MILR1: variants seen among roughly 807,000 people sequenced by gnomAD.
MILR1 encodes allergin-1.
A neutral mutation model predicts 18.5 loss-of-function variants in MILR1; 31 were observed. The observed-to-expected ratio is 1.68, with a 90% CI of 1.26 to 2.26. The LOEUF (loss-of-function observed/expected upper bound fraction) is 2.26, where lower values mean the gene tolerates loss of function less well. Among genes scored for constraint, MILR1 ranks in the 30% most tolerant of loss-of-function variants. MILR1 has a pLI of 0.00. For missense variants in MILR1, 257 were observed against 157.4 expected (o/e 1.63, Z -3.38); for synonymous variants, 85 against 56.2 (o/e 1.51, Z -2.30).
the MILR1 span, chr17:64,491,484 C>T: frequency 4.9e-5 from 64 of 1,309,192 alleles, 1 homozygote; most frequent in Admixed American, 7.0e-5. Context: ...CAGTCCAGCC[C>T]GGGCAAAAGA....
At chr17:64,464,723 GACCAGCCTGGCTA>G (rs1448350397) in intron 5 of MILR1, among the ~76,000 whole-genome samples, 19 of 152,138 alleles carry the variant, frequency 1.2e-4, no homozygotes, top group Admixed American at 8.5e-4. Context: ...TGGAGTTTGA[GACCAGCCTGGCTA>G]ACATGGTGAA....
rs1307776335 is a variant in MILR1 at position 64,449,939 on chromosome 17, TTTCTTTC to T, written c.97+587_97+593del. On this transcript the variant is annotated intron_variant, in intron 2 of 9. Coordinates refer to ENST00000619286, the MANE Select transcript of MILR1 (RefSeq NM_001085423.2). ...TGACCTTAATTTCTTTCTTTCTTTC[TTTCTTTC>T]TTTTTTTTTTTGAGATGGAGTCTCA... Among the ~76,000 whole-genome samples the T allele has an allele frequency of 1.2e-4, 11 of 94,102 alleles. No individual in the cohort carries two copies. The East Asian group carries it at 1.8e-3, about 15-fold the overall frequency. 61.7% of individuals were successfully genotyped at this position (94,102 alleles called of 152,430 possible).
chr17:64,473,495 G>A (rs2037722852), downstream of MILR1, among the ~76,000 whole-genome samples: 1 of 152,106 alleles, frequency 6.6e-6, no homozygotes, highest in South Asian at 2.1e-4. Context: ...TGTCCTGGAA[G>A]GAAATGGACT....
At chr17:64,475,808 CTTTTT>C in the MILR1 span, among the ~76,000 whole-genome samples, 7 of 102,502 alleles carry the variant, frequency 6.8e-5, no homozygotes, top group African/African-American at 1.6e-4. Context: ...CTACCACTTC[CTTTTT>C]TTTTTTTTTT....
At chr17:64,490,326 C>T in the MILR1 span, 4 of 177,276 alleles carry the variant, frequency 2.3e-5, no homozygotes, top group Non-Finnish European at 4.8e-5. Flanking sequence ...TAACACTCCT[C>T]ATATGACACA....
the MILR1 span, chr17:64,477,960 CTG>C: frequency 1.4e-5 from 23 of 1,613,800 alleles, no homozygotes; most frequent in Non-Finnish European, 1.4e-5. Context: ...GTAACCAAAA[CTG>C]TGAAGAGAAT....
the MILR1 span, among the ~76,000 whole-genome samples, chr17:64,489,799 T>TA: frequency 5.3e-5 from 8 of 152,086 alleles, no homozygotes; most frequent in African/African-American, 1.7e-4. Context: ...AACCTCACAT[T>TA]AGTAACTGAT....
the MILR1 span, chr17:64,492,608 C>G: frequency 3.2e-6 from 3 of 944,132 alleles, no homozygotes; most frequent in Non-Finnish European, 5.1e-6. Flanking sequence ...AGAATTACCA[C>G]TGACACATTA....
the MILR1 span, among the ~76,000 whole-genome samples, chr17:64,482,327 C>CTT: frequency 7.8e-4 from 100 of 128,554 alleles, 3 homozygotes; most frequent in African/African-American, 2.1e-3. Flanking sequence ...AAATTAAAAA[C>CTT]TTTTTTTTTT....
the MILR1 span, chr17:64,496,788 C>T: frequency 8.6e-5 from 139 of 1,613,924 alleles, no homozygotes; most frequent in Admixed American, 4.7e-4. Context: ...TCTCCAGACC[C>T]GGGGGCTTCT....
the MILR1 span, chr17:64,492,559 A>C: frequency 1.4e-6 from 1 of 692,018 alleles, no homozygotes; most frequent in Non-Finnish European, 2.5e-6. Context: ...TAATATATTA[A>C]TAGCTACATA....
At chr17:64,489,532 A>T in the MILR1 span, among the ~76,000 whole-genome samples, 3 of 151,800 alleles carry the variant, frequency 2.0e-5, no homozygotes, top group African/African-American at 7.3e-5. Context: ...AGGCTGAGGC[A>T]GGGGGATTGT....
At chr17:64,493,551 C>T in the MILR1 span, among the ~76,000 whole-genome samples, 1 of 151,944 alleles carries the variant, frequency 6.6e-6, no homozygotes, top group Admixed American at 6.5e-5. Flanking sequence ...GTGGCAGGGT[C>T]TCGGCTCATT....
the MILR1 span, among the ~76,000 whole-genome samples, chr17:64,489,965 G>A: frequency 2.0e-5 from 3 of 150,116 alleles, no homozygotes; most frequent in South Asian, 2.1e-4. Context: ...TCGTTCTGTC[G>A]CCAGGCTGCA....
At chr17:64,477,884 A>T in the MILR1 span, 1 of 1,613,562 alleles carries the variant, frequency 6.2e-7, no homozygotes, top group East Asian at 2.2e-5. Context: ...GGATATATGC[A>T]TCATTTCCTT....
intron 8 of MILR1, among the ~76,000 whole-genome samples, chr17:64,467,187 C>T (rs1440849116): frequency 1.3e-5 from 2 of 151,774 alleles, no homozygotes; most frequent in African/African-American, 4.8e-5. Context: ...CTCACTGCAC[C>T]CTCTACCTCT....
At chr17:64,464,432 G>A (rs2037503638) in intron 5 of MILR1, among the ~76,000 whole-genome samples, 1 of 151,474 alleles carries the variant, frequency 6.6e-6, no homozygotes, top group African/African-American at 2.4e-5. Context: ...TAGAGACAAG[G>A]TCTCACTATG....
At chr17:64,492,855 T>C in the MILR1 span, 2 of 1,611,682 alleles carry the variant, frequency 1.2e-6, no homozygotes, top group East Asian at 4.5e-5. Flanking sequence ...GGTTTTTGAC[T>C]ATTTAAATAC....
At chr17:64,494,916 G>A in the MILR1 span, among the ~76,000 whole-genome samples, 1 of 152,324 alleles carries the variant, frequency 6.6e-6, no homozygotes, top group Non-Finnish European at 1.5e-5. Flanking sequence ...GCTCACGCCT[G>A]TAATCCCAGC....
Sources: gnomAD v4.1 joint callset for allele counts (sites outside exome capture counted in the v4.1 genomes callset) on GRCh38, gnomAD v4.1.1 for gene constraint, MANE v1.5 for transcripts, NCBI Gene and HGNC (gene_info 2026-07-23, HGNC 2026-07-21) for gene names.